IMPACT: variants seen among roughly 807,000 people sequenced by gnomAD.
IMPACT encodes the protein protein IMPACT.
In IMPACT, 35 loss-of-function variants were observed where a neutral mutation model predicts 47.5. The observed-to-expected ratio is 0.74, with a 90% CI of 0.56 to 0.98. The LOEUF (loss-of-function observed/expected upper bound fraction) is 0.98, where lower values mean the gene tolerates loss of function less well. IMPACT is among the 50% of genes least tolerant of loss of function. The probability of loss-of-function intolerance (pLI) is 0.00; values close to 1 mark genes in which losing one functional copy is unlikely to be tolerated. For missense variants in IMPACT, 373 were observed against 394.8 expected (o/e 0.94, Z 0.47); for synonymous variants, 118 against 125.6 (o/e 0.94, Z 0.40).
intron 4 of IMPACT, among the ~76,000 whole-genome samples, chr18:24,437,679 G>A (rs1050911491): frequency 6.6e-6 from 1 of 152,088 alleles, no homozygotes; most frequent in Non-Finnish European, 1.5e-5. Flanking sequence ...CATCTAGTTT[G>A]GAAATGTTTA....
intron 9 of IMPACT, among the ~76,000 whole-genome samples, chr18:24,448,436 G>A (rs1219875887): frequency 6.6e-6 from 1 of 151,968 alleles, no homozygotes; most frequent in Non-Finnish European, 1.5e-5. Context: ...CTTCAACTTT[G>A]GGAAAACACT....
rs929494337 is a variant in IMPACT, at chr18:24,443,152, G to A, written c.594G>A (p.Gln198=). Residue 198 remains glutamine, a splice_region_variant and synonymous_variant, in exon 7 of 11, where the codon CAG becomes CAA. Coordinates refer to ENST00000284202, the MANE Select transcript of IMPACT (RefSeq NM_018439.4). The part of the protein sequence containing the change: ...AHLAPVVCPK[Q]VKMVLSKLYE... ...TGGCTCCAGTGGTTTGTCCCAAACAGGTAAAGTTCCTTTGTCTAGCTCACT... is the reference window on the plus strand; with the variant it reads ...TGGCTCCAGTGGTTTGTCCCAAACAAGTAAAGTTCCTTTGTCTAGCTCACT... 1.6e-5 allele frequency: 24 copies of A among 1,523,926 alleles called. No individual in the cohort carries two copies. The highest frequency in any genetic ancestry group is 2.2e-5 in the Non-Finnish European group (24 of 1,107,222). 94.4% of individuals were successfully genotyped at this position (1,523,926 alleles called of 1,614,324 possible).
At chr18:24,428,175 C>T (rs1908662633) in intron 2 of IMPACT, 128 bp downstream of exon 2, 3 of 812,500 alleles carry the variant, frequency 3.7e-6, no homozygotes, top group Admixed American at 2.9e-5. Flanking sequence ...AATGATTAAA[C>T]ACATGGGCAG....
chr18:24,436,137 G>C (rs1439888617), intron 4 of IMPACT, among the ~76,000 whole-genome samples: 2 of 152,160 alleles, frequency 1.3e-5, no homozygotes, highest in African/African-American at 4.8e-5. Context: ...TTTGGAGTCA[G>C]TTTTTTAAAT....
At chr18:24,442,981 C>G (rs1029854038) in intron 6 of IMPACT, 68 bp from the exon 7 acceptor site, 10 of 749,694 alleles carry the variant, frequency 1.3e-5, no homozygotes, top group Middle Eastern at 5.4e-4. Context: ...AGCTGCCCCC[C>G]CATTTCATTT....
intron 4 of IMPACT, among the ~76,000 whole-genome samples, chr18:24,430,652 T>C (rs1168690260): frequency 1.3e-5 from 2 of 152,204 alleles, no homozygotes; most frequent in Non-Finnish European, 2.9e-5. Context: ...TAATCCCAGC[T>C]ATTCAGGAGG....
At chr18:24,450,028 A>G in intron 10 of IMPACT, 75 bp downstream of exon 10, 1 of 1,487,830 alleles carries the variant, frequency 6.7e-7, no homozygotes, top group Non-Finnish European at 9.4e-7. Flanking sequence ...ACAGAAAATT[A>G]AGAATGAATC....
chr18:24,433,499 A>G (rs1314033587), intron 4 of IMPACT, among the ~76,000 whole-genome samples: 1 of 146,558 alleles, frequency 6.8e-6, no homozygotes, highest in African/African-American at 2.5e-5. Flanking sequence ...GCGCCCGGCC[A>G]ACTTTTTTTT....
intron 9 of IMPACT, among the ~76,000 whole-genome samples, chr18:24,449,487 C>T (rs1477032967): frequency 6.6e-6 from 1 of 152,150 alleles, no homozygotes; most frequent in African/African-American, 2.4e-5. Context: ...AAAATGCTGC[C>T]TAAACTTAGC....
chr18:24,442,487 CTG>C (rs1188661381), intron 6 of IMPACT, among the ~76,000 whole-genome samples: 1 of 152,134 alleles, frequency 6.6e-6, no homozygotes, highest in Non-Finnish European at 1.5e-5. Flanking sequence ...GGTATAATAA[CTG>C]GAAATCATGA....
At chr18:24,437,831 T>G in intron 4 of IMPACT, 124 bp from the exon 5 acceptor site, 1 of 603,804 alleles carries the variant, frequency 1.7e-6, no homozygotes, top group Non-Finnish European at 2.9e-6. Flanking sequence ...TTTTATAAAT[T>G]ATTTTAAAAA....
chr18:24,438,829 A>G (rs1909016203), intron 5 of IMPACT, among the ~76,000 whole-genome samples: 1 of 152,092 alleles, frequency 6.6e-6, no homozygotes, highest in East Asian at 1.9e-4. Flanking sequence ...GTGTTCGCCA[A>G]ATGTCTCCAC....
intron 4 of IMPACT, among the ~76,000 whole-genome samples, chr18:24,431,028 T>G (rs1908741460): frequency 6.6e-6 from 1 of 152,248 alleles, no homozygotes; most frequent in Non-Finnish European, 1.5e-5. Context: ...GGCACTGTAC[T>G]AGATCCTGGG....
intron 6 of IMPACT, among the ~76,000 whole-genome samples, chr18:24,441,939 C>A (rs1251878423): frequency 6.6e-6 from 1 of 152,108 alleles, no homozygotes; most frequent in African/African-American, 2.4e-5. Context: ...GTCAGTAGTT[C>A]ATATTGACCC....
intron 1 of IMPACT, chr18:24,427,154 A>C: frequency 8.9e-6 from 2 of 223,716 alleles, no homozygotes; most frequent in Admixed American, 5.8e-5. Context: ...CCTTTGCAAA[A>C]TGGCAATAGC....
In IMPACT at chr18:24,452,147, A is replaced by T. The variant is rs971034070; in HGVS notation, c.*1300A>T. ...ATGGAAAGCACAGAGAATTGGACAA[A>T]CAGGTCTTTTTCTCTTTTCTCTGAT... On this transcript the variant is annotated 3_prime_UTR_variant, in exon 11 of 11. Transcript: ENST00000284202. 1 of 152,178 alleles carries T rather than the reference A, an allele frequency of 6.6e-6. No individual in the cohort carries two copies. The highest frequency in any genetic ancestry group is 2.4e-5 in the African/African-American group (1 of 41,444). 9.4% of individuals were successfully genotyped at this position (152,178 alleles called of 1,614,324 possible). A position where few individuals can be genotyped will look rare whatever the true frequency, so the allele number is the denominator to read the frequency against.
Position 24,452,499 on chromosome 18 carries a change from A to G in IMPACT, c.*1652A>G, listed in dbSNP as rs919791583. 3 of 152,168 alleles carry G rather than the reference A, an allele frequency of 2.0e-5. No homozygotes were observed. The highest frequency in any genetic ancestry group is 7.2e-5 in the African/African-American group (3 of 41,462). The allele number at this position is 152,168 out of a possible 1,614,324, so 9.4% of individuals were successfully genotyped here. A position where few individuals can be genotyped will look rare whatever the true frequency, so the allele number is the denominator to read the frequency against. On this transcript the variant is annotated 3_prime_UTR_variant, in exon 11 of 11. Coordinates refer to ENST00000284202, the MANE Select transcript of IMPACT (RefSeq NM_018439.4). ...TCAAACCTATGAAGGGAGATAGGAA[A>G]CAATGAGAAACTTACTTTTGCTCCT...
intron 4 of IMPACT, among the ~76,000 whole-genome samples, chr18:24,431,215 C>T (rs962432952): frequency 4.6e-5 from 7 of 151,952 alleles, no homozygotes; most frequent in African/African-American, 9.7e-5. Flanking sequence ...GACATAGTCT[C>T]GGAGGTGAGG....
intron 1 of IMPACT, 65 bp from the exon 2 acceptor site, chr18:24,427,854 A>G (rs566126007): frequency 2.1e-6 from 3 of 1,449,438 alleles, no homozygotes; most frequent in African/African-American, 1.4e-5. Flanking sequence ...TACCTTATAA[A>G]GTAGTAAGAA....
Sources: gnomAD v4.1 joint callset for allele counts (sites outside exome capture counted in the v4.1 genomes callset) on GRCh38, gnomAD v4.1.1 for gene constraint, MANE v1.5 for transcripts, NCBI Gene and HGNC (gene_info 2026-07-23, HGNC 2026-07-21) for gene names.